ILDR1: variants seen among roughly 807,000 people sequenced by gnomAD.
The protein encoded by ILDR1 is immunoglobulin like domain containing receptor 1, also known as immunoglobulin-like domain-containing receptor 1.
ILDR1 carries 56 observed loss-of-function variants against 62.4 expected under a neutral mutation model. The observed-to-expected ratio is 0.90, with a 90% CI of 0.72 to 1.12. The LOEUF is 1.12. Among genes scored for constraint, ILDR1 ranks in the 50% most tolerant of loss-of-function variants. ILDR1 has a pLI of 0.00. For missense variants in ILDR1, 736 were observed against 710.6 expected (o/e 1.04, Z -0.41); for synonymous variants, 284 against 277.8 (o/e 1.02, Z -0.22).
At chr3:122,016,591 T>TA (rs1386526887) in intron 1 of ILDR1, among the ~76,000 whole-genome samples, 2 of 152,188 alleles carry the variant, frequency 1.3e-5, no homozygotes, top group Non-Finnish European at 2.9e-5. Context: ...GGTTATACAA[T>TA]AAGACCATGC....
At chr3:122,042,019 A>C in the ILDR1 span, among the ~76,000 whole-genome samples, 2 of 120,020 alleles carry the variant, frequency 1.7e-5, no homozygotes, top group African/African-American at 3.2e-5. Context: ...GCACCCACTA[A>C]CTCGTCATCT....
At chr3:122,040,472 A>T in the ILDR1 span, among the ~76,000 whole-genome samples, 1 of 151,884 alleles carries the variant, frequency 6.6e-6, no homozygotes, top group African/African-American at 2.4e-5. Context: ...TATAAAAAAT[A>T]ATATCTTAGA....
At chr3:121,993,126 C>T in intron 7 of ILDR1, 24 bp downstream of exon 7, 4 of 1,543,284 alleles carry the variant, frequency 2.6e-6, no homozygotes, top group Non-Finnish European at 3.5e-6. Flanking sequence ...ATGCCCAACC[C>T]TCAGCAGGAT....
the ILDR1 span, among the ~76,000 whole-genome samples, chr3:122,054,801 CT>C: frequency 1.3e-5 from 2 of 152,084 alleles, no homozygotes; most frequent in East Asian, 3.9e-4. Context: ...ATAATGCTGC[CT>C]TTTTTTCAGA....
chr3:121,995,823 TG>T (rs1424962649), intron 5 of ILDR1, among the ~76,000 whole-genome samples: 12 of 152,182 alleles, frequency 7.9e-5, no homozygotes, highest in Admixed American at 6.5e-4. Flanking sequence ...TCTCTTCACG[TG>T]GGAATCCAAT....
chr3:122,041,131 T>C, the ILDR1 span, among the ~76,000 whole-genome samples: 1 of 152,224 alleles, frequency 6.6e-6, no homozygotes, highest in East Asian at 1.9e-4. Flanking sequence ...CCAAAGAAGA[T>C]ATGCAGATGG....
chr3:121,998,603 C>T (rs2071471722), intron 5 of ILDR1, among the ~76,000 whole-genome samples: 1 of 152,170 alleles, frequency 6.6e-6, no homozygotes. Context: ...GTGCACTTAT[C>T]ATTTGTGTTA....
At chr3:122,061,596 C>A in the ILDR1 span, among the ~76,000 whole-genome samples, 2 of 152,112 alleles carry the variant, frequency 1.3e-5, no homozygotes, top group Non-Finnish European at 2.9e-5. Context: ...TGGTGAACAA[C>A]CATATAAGAG....
intron 5 of ILDR1, among the ~76,000 whole-genome samples, chr3:122,000,969 C>T (rs993672214): frequency 3.9e-5 from 6 of 152,172 alleles, no homozygotes; most frequent in African/African-American, 7.2e-5. Flanking sequence ...TTAAACCACT[C>T]GCTCCAGCCC....
Position 121,998,172 on chromosome 3 carries a change from G to A in ILDR1, c.646+3136C>T, listed in dbSNP as rs891326250. Among the ~76,000 whole-genome samples the A allele has an allele frequency of 2.6e-5, 4 of 151,928 alleles. No homozygotes were observed. The South Asian group carries it at 8.3e-4, about 32-fold the overall frequency. The stretch of plus-strand genomic sequence containing the variant: ...GCCAGGCTGCTTCCCTTTCCCTTCC[G>A]CTCCCTTTCTAAGGCCAGTTCTTTC... On this transcript the variant is annotated intron_variant, in intron 5 of 7. Coordinates refer to ENST00000344209, the MANE Select transcript of ILDR1 (RefSeq NM_001199799.2).
the ILDR1 span, among the ~76,000 whole-genome samples, chr3:122,056,453 G>A: frequency 6.6e-6 from 1 of 152,160 alleles, no homozygotes; most frequent in South Asian, 2.1e-4. Context: ...TCCTTCCTCA[G>A]TCTCCTGAGT....
intron 5 of ILDR1, among the ~76,000 whole-genome samples, chr3:122,000,416 C>T (rs1282670545): frequency 1.3e-5 from 2 of 152,184 alleles, no homozygotes; most frequent in African/African-American, 4.8e-5. Context: ...GTTCAAGGAG[C>T]TTCCTGGCTG....
At chr3:122,001,242 A>T (rs1303854443) in intron 5 of ILDR1, 66 bp downstream of exon 5, 24 of 1,574,610 alleles carry the variant, frequency 1.5e-5, no homozygotes, top group African/African-American at 4.1e-5. Context: ...TGGCACTTGA[A>T]GCTGATCTGC....
chr3:122,045,400 T>A, the ILDR1 span, among the ~76,000 whole-genome samples: 1 of 151,996 alleles, frequency 6.6e-6, no homozygotes. Context: ...TTGTGTTGAT[T>A]TGGGGTGGAG....
the ILDR1 span, among the ~76,000 whole-genome samples, chr3:122,047,183 A>C: frequency 6.7e-6 from 1 of 149,878 alleles, no homozygotes; most frequent in Admixed American, 6.6e-5. Context: ...CTGCCGTGTG[A>C]GGTGTCAGTG....
In ILDR1 at chr3:121,993,162, C is replaced by T. The variant is rs2071375601; in HGVS notation, c.1587G>A (p.Val529=). The part of the protein sequence containing the change: ...PGKNSRKKGS[V]ERRSEKDSSH... ...GCCCCAGGCTCACCGAGCGCCTCTC[C>T]ACACTCCCTTTTTTCCTGCTATTCT... The change falls in exon 7 of 8, where the codon GTG becomes GTA. Residue 529 remains valine, a synonymous_variant. Coordinates refer to ENST00000344209, the MANE Select transcript of ILDR1 (RefSeq NM_001199799.2). The T allele has an allele frequency of 6.2e-7, 1 of 1,601,028 alleles. No individual in the cohort carries two copies. Among genetic ancestry groups the T allele is most frequent in the Non-Finnish European group, 8.5e-7 (1 of 1,173,794 alleles).
chr3:121,993,543 C>G lies in ILDR1; in HGVS notation c.1206G>C (p.Arg402Ser). 2 of 1,614,226 alleles carry G rather than the reference C, an allele frequency of 1.2e-6. No individual in the cohort carries two copies. The highest frequency in any genetic ancestry group is 2.2e-5 in the East Asian group (1 of 44,880). ...ACCCATTCAGCCTAGAGCTACGGTG[C>G]CTTCCACTCCACGATGGGTCCAACT... ...RRELDPSWSGRHRSSRLNGSP... is the reference protein window; with the variant it reads ...RRELDPSWSGSHRSSRLNGSP... The change falls in exon 7 of 8, where the codon AGG becomes AGC. Residue 402 changes from arginine (R) to serine (S), a missense_variant. Physicochemically the swap from Arg to Ser is moderately radical, Grantham distance 110. Coordinates refer to ENST00000344209, the MANE Select transcript of ILDR1 (RefSeq NM_001199799.2).
chr3:121,997,964 G>A (rs1467415080), intron 5 of ILDR1, among the ~76,000 whole-genome samples: 1 of 152,174 alleles, frequency 6.6e-6, no homozygotes, highest in Admixed American at 6.5e-5. Flanking sequence ...GTGGGAGCAG[G>A]TTGGGGAGGT....
chr3:122,007,235 G>C, intron 1 of ILDR1, 74 bp from the exon 2 acceptor site: 1 of 1,605,434 alleles, frequency 6.2e-7, no homozygotes, highest in Non-Finnish European at 8.5e-7. Context: ...ATGCAAATGG[G>C]CAAAAGATAT....
Sources: gnomAD v4.1 joint callset for allele counts (sites outside exome capture counted in the v4.1 genomes callset) on GRCh38, gnomAD v4.1.1 for gene constraint, MANE v1.5 for transcripts, NCBI Gene and HGNC (gene_info 2026-07-23, HGNC 2026-07-21) for gene names.